The following LOC122539214 variants were observed in gnomAD, a reference collection of about 807,000 sequenced individuals.
the LOC122539214 span, among the ~76,000 whole-genome samples, chr19:52,680,253 G>A: frequency 6.6e-6 from 1 of 152,134 alleles, no homozygotes; most frequent in Admixed American, 6.5e-5. Context: ...AGCCAAGATA[G>A]ACAAGAGCAG....
At chr19:52,689,075 G>C in the LOC122539214 span, among the ~76,000 whole-genome samples, 1 of 151,870 alleles carries the variant, frequency 6.6e-6, no homozygotes, top group Admixed American at 6.6e-5. Context: ...CTTTGATGCA[G>C]CTACAAGGCC....
At chr19:52,685,124 A>C in the LOC122539214 span, among the ~76,000 whole-genome samples, 13 of 151,862 alleles carry the variant, frequency 8.6e-5, no homozygotes, top group East Asian at 1.9e-3. Context: ...ACAACTGGGC[A>C]CTCCCCTCTC....
the LOC122539214 span, among the ~76,000 whole-genome samples, chr19:52,671,623 T>C: frequency 6.6e-6 from 1 of 152,090 alleles, no homozygotes; most frequent in African/African-American, 2.4e-5. Context: ...GTTAGTACTT[T>C]GTAGAGGGGT....
the LOC122539214 span, among the ~76,000 whole-genome samples, chr19:52,684,791 T>A: frequency 6.6e-6 from 1 of 151,794 alleles, no homozygotes; most frequent in South Asian, 2.1e-4. Context: ...GTTTTGGTGT[T>A]TGGGAAAAAA....
the LOC122539214 span, chr19:52,653,252 G>A: frequency 6.6e-7 from 1 of 1,518,646 alleles, no homozygotes. Flanking sequence ...CCAGTATGAA[G>A]CCTATAATGA....
At chr19:52,664,880 AC>A in the LOC122539214 span, among the ~76,000 whole-genome samples, 2 of 152,178 alleles carry the variant, frequency 1.3e-5, no homozygotes, top group Admixed American at 1.3e-4. Context: ...GGCGAAACCC[AC>A]CAGTGAGGCT....
the LOC122539214 span, among the ~76,000 whole-genome samples, chr19:52,661,872 T>C: frequency 6.6e-6 from 1 of 151,970 alleles, no homozygotes; most frequent in Non-Finnish European, 1.5e-5. Context: ...AACAAAGACT[T>C]AGGGAAGAAA....
chr19:52,664,256 G>A, the LOC122539214 span, among the ~76,000 whole-genome samples: 2 of 151,756 alleles, frequency 1.3e-5, no homozygotes, highest in African/African-American at 4.8e-5. Flanking sequence ...AAGACTTTGG[G>A]AGGCCGATGC....
At chr19:52,670,329 T>C in the LOC122539214 span, among the ~76,000 whole-genome samples, 1 of 152,184 alleles carries the variant, frequency 6.6e-6, no homozygotes, top group Non-Finnish European at 1.5e-5. Context: ...GGAATTAGAT[T>C]AGCCTGTGTG....
the LOC122539214 span, among the ~76,000 whole-genome samples, chr19:52,666,212 A>G: frequency 6.6e-6 from 1 of 151,890 alleles, no homozygotes; most frequent in Non-Finnish European, 1.5e-5. Context: ...AGAGAGAGAA[A>G]GAGACAGAGA....
At chr19:52,690,187 A>G in the LOC122539214 span, among the ~76,000 whole-genome samples, 1 of 151,422 alleles carries the variant, frequency 6.6e-6, no homozygotes. Context: ...TTTGAGAAAA[A>G]AAAAAAAAAA....
chr19:52,675,704 G>A, the LOC122539214 span, among the ~76,000 whole-genome samples: 1 of 151,950 alleles, frequency 6.6e-6, no homozygotes, highest in Non-Finnish European at 1.5e-5. Flanking sequence ...GGCCAGGAAA[G>A]GAAGGGCAAG....
chr19:52,661,183 C>G, the LOC122539214 span, among the ~76,000 whole-genome samples: 5 of 152,174 alleles, frequency 3.3e-5, no homozygotes, highest in East Asian at 3.9e-4. Context: ...GTTTAGAAAC[C>G]ACACATTCCT....
the LOC122539214 span, among the ~76,000 whole-genome samples, chr19:52,687,515 ATAAATTT>A: frequency 1.4e-5 from 1 of 71,640 alleles, no homozygotes; most frequent in East Asian, 2.9e-4. Flanking sequence ...TAAATTATAT[ATAAATTT>A]TATATATAAA....
the LOC122539214 span, among the ~76,000 whole-genome samples, chr19:52,668,841 C>G: frequency 2.6e-5 from 4 of 152,300 alleles, no homozygotes; most frequent in South Asian, 2.1e-4. Flanking sequence ...GATGCTAGCT[C>G]TTTTCCAGGA....
At chr19:52,657,677 G>A in the LOC122539214 span, among the ~76,000 whole-genome samples, 53 of 152,152 alleles carry the variant, frequency 3.5e-4, no homozygotes, top group African/African-American at 1.1e-3. Flanking sequence ...GAGAAACCCC[G>A]TCTCTACTAA....
the LOC122539214 span, among the ~76,000 whole-genome samples, chr19:52,680,606 A>ATTT: frequency 0.037 from 3,326 of 88,848 alleles, 89 homozygotes; most frequent in African/African-American, 0.074. Flanking sequence ...TCCACAAAAT[A>ATTT]TTTTTTTTTT....
the LOC122539214 span, among the ~76,000 whole-genome samples, chr19:52,663,889 C>T: frequency 6.6e-6 from 1 of 152,146 alleles, no homozygotes; most frequent in Admixed American, 6.5e-5. Flanking sequence ...ATTTATTTTA[C>T]TTTATTTTAT....
At chr19:52,677,128 AAAAAAAAG>A in the LOC122539214 span, among the ~76,000 whole-genome samples, 1 of 45,200 alleles carries the variant, frequency 2.2e-5, no homozygotes. Context: ...ATCAATTAAA[AAAAAAAAG>A]AAAAAAAGAA....
Sources: allele counts gnomAD v4.1 joint callset (sites outside exome capture counted in the v4.1 genomes callset), GRCh38; gene constraint gnomAD v4.1.1; transcripts MANE v1.5.